Variants in TMEM117 observed in about 807,000 individuals in gnomAD.
The protein encoded by TMEM117 is transmembrane protein 117.
In TMEM117, 27 loss-of-function variants were observed where a neutral mutation model predicts 52.4. The observed-to-expected ratio is 0.51, with a 90% CI of 0.38 to 0.71. TMEM117 has a LOEUF of 0.71. Among genes scored for constraint, TMEM117 ranks in the 30% least tolerant of loss-of-function variants. The probability of loss-of-function intolerance (pLI) is 0.00; values close to 1 mark genes in which losing one functional copy is unlikely to be tolerated. For synonymous variants in TMEM117, 215 were observed against 206.3 expected, an observed-to-expected ratio of 1.04 and a Z score of -0.36; for missense variants, 556 against 630.5, an observed-to-expected ratio of 0.88 and a Z score of 1.26.
the TMEM117 span, among the ~76,000 whole-genome samples, chr12:43,817,725 A>T: frequency 5.3e-5 from 8 of 152,214 alleles, no homozygotes; most frequent in East Asian, 1.5e-3. Flanking sequence ...TCAATGCAGA[A>T]AAAAATAAAA....
intron 6 of TMEM117, among the ~76,000 whole-genome samples, chr12:44,365,751 T>TTTATTATTATTATTA (rs537506360): frequency 1.3e-5 from 2 of 151,262 alleles, no homozygotes; most frequent in South Asian, 2.1e-4. Context: ...AGGATTTTCT[T>TTTATTATTATTATTA]TTATTATTAT....
intron 6 of TMEM117, among the ~76,000 whole-genome samples, chr12:44,301,721 T>C (rs921633534): frequency 5.9e-5 from 9 of 152,200 alleles, no homozygotes; most frequent in Non-Finnish European, 1.0e-4. Flanking sequence ...TTCTCTTTTT[T>C]TTTCTCTTAT....
chr12:43,805,104 T>C, the TMEM117 span, among the ~76,000 whole-genome samples: 1 of 152,248 alleles, frequency 6.6e-6, no homozygotes. Context: ...TCTCAAAAGC[T>C]AGATTAAACT....
chr12:44,095,245 T>C (rs58602576), intron 3 of TMEM117, among the ~76,000 whole-genome samples: 11,200 of 152,216 alleles, frequency 0.074, 583 homozygotes, highest in Middle Eastern at 0.16. Flanking sequence ...TAACACTTGT[T>C]AACATTTTTA....
At chr12:44,315,507 C>T (rs1375278128) in intron 6 of TMEM117, among the ~76,000 whole-genome samples, 1 of 152,124 alleles carries the variant, frequency 6.6e-6, no homozygotes, top group Non-Finnish European at 1.5e-5. Context: ...TCATTGTTTA[C>T]CCAAAAATTG....
intron 3 of TMEM117, among the ~76,000 whole-genome samples, chr12:44,035,154 A>G (rs971272745): frequency 2.6e-5 from 4 of 152,190 alleles, no homozygotes; most frequent in Non-Finnish European, 4.4e-5. Context: ...TGTGTGAGCC[A>G]ATTCCACTAT....
chr12:44,286,083 C>A (rs556189037), intron 5 of TMEM117, among the ~76,000 whole-genome samples: 1 of 152,132 alleles, frequency 6.6e-6, no homozygotes, highest in South Asian at 2.1e-4. Context: ...ATAAGATTCA[C>A]AGATTTTTAT....
At chr12:43,801,216 A>G in the TMEM117 span, among the ~76,000 whole-genome samples, 3 of 152,222 alleles carry the variant, frequency 2.0e-5, no homozygotes, top group Non-Finnish European at 2.9e-5. Flanking sequence ...AGTTGTTAAG[A>G]ATCAAAATTC....
intron 3 of TMEM117, among the ~76,000 whole-genome samples, chr12:43,998,996 AC>A: frequency 6.6e-6 from 1 of 152,374 alleles, no homozygotes; most frequent in Middle Eastern, 3.4e-3. Flanking sequence ...ATACAGTACT[AC>A]AATTCACTCA....
chr12:44,210,130 G>A lies in TMEM117; in HGVS notation c.511-1160G>A, dbSNP rs1453131880. 5.3e-5 allele frequency among the ~76,000 whole-genome samples: 8 copies of A among 152,070 alleles called. No individual in the cohort carries two copies. The East Asian group carries it at 7.7e-4, about 15-fold the overall frequency. On this transcript the variant is annotated intron_variant, in intron 4 of 7. Transcript: ENST00000266534. ...TACTCAATGCAGTAAACCTCATTTC[G>A]TTTCTGTTTTCATAATTTTGAATCT...
intron 6 of TMEM117, among the ~76,000 whole-genome samples, chr12:44,322,266 C>A (rs1399126004): frequency 6.6e-6 from 1 of 152,144 alleles, no homozygotes; most frequent in Non-Finnish European, 1.5e-5. Flanking sequence ...GAGACATATT[C>A]TTTTGACCTC....
At chr12:44,267,796 A>G (rs2138558071) in intron 5 of TMEM117, among the ~76,000 whole-genome samples, 1 of 152,286 alleles carries the variant, frequency 6.6e-6, no homozygotes, top group Non-Finnish European at 1.5e-5. Context: ...TTTATTCAAC[A>G]TAAGCCTGAA....
intron 5 of TMEM117, among the ~76,000 whole-genome samples, chr12:44,212,670 C>T (rs375698401): frequency 2.1e-4 from 32 of 152,136 alleles, no homozygotes; most frequent in African/African-American, 4.6e-4. Flanking sequence ...TTGGAATGTA[C>T]GCCCACCAGA....
At chr12:44,143,444 C>A in intron 3 of TMEM117, 81 bp from the exon 4 acceptor site, 1 of 1,015,228 alleles carries the variant, frequency 9.9e-7, no homozygotes, top group East Asian at 2.6e-5. Flanking sequence ...GGAGAAGTCC[C>A]TTTGCCTGTT....
intron 3 of TMEM117, among the ~76,000 whole-genome samples, chr12:44,080,119 A>G (rs753206182): frequency 1.3e-5 from 2 of 151,930 alleles, no homozygotes; most frequent in Admixed American, 1.3e-4. Flanking sequence ...TTAAAACCAT[A>G]TGAGAAACAC....
chr12:43,986,947 T>G (rs1267773380), intron 3 of TMEM117, among the ~76,000 whole-genome samples: 1 of 152,196 alleles, frequency 6.6e-6, no homozygotes, highest in Admixed American at 6.6e-5. Flanking sequence ...TTAAGTCATA[T>G]TTTCTCCCTT....
chr12:43,959,371 T>C (rs895547138), intron 3 of TMEM117, among the ~76,000 whole-genome samples: 16 of 152,352 alleles, frequency 1.1e-4, no homozygotes, highest in African/African-American at 3.6e-4. Flanking sequence ...GTCGTCACAG[T>C]TGTAGGCTTC....
intron 3 of TMEM117, among the ~76,000 whole-genome samples, chr12:44,118,755 G>A (rs1324026521): frequency 1.5e-5 from 2 of 134,506 alleles, no homozygotes; most frequent in Non-Finnish European, 3.0e-5. Flanking sequence ...TACTTTTCAG[G>A]CAGGGTATTT....
intron 5 of TMEM117, among the ~76,000 whole-genome samples, chr12:44,222,127 A>G (rs1949796973): frequency 1.3e-5 from 2 of 152,122 alleles, no homozygotes; most frequent in Admixed American, 1.3e-4. Context: ...GTGATGGTTG[A>G]AGTCCAGCTT....
Sources: gnomAD v4.1 joint callset for allele counts (sites outside exome capture counted in the v4.1 genomes callset) on GRCh38, gnomAD v4.1.1 for gene constraint, MANE v1.5 for transcripts, NCBI Gene and HGNC (gene_info 2026-07-23, HGNC 2026-07-21) for gene names.